Variants in TMTC2 observed in about 807,000 individuals in gnomAD.
The protein encoded by TMTC2 is transmembrane O-mannosyltransferase targeting cadherins 2.
Under a neutral mutation model 82.4 loss-of-function variants are expected in TMTC2, and 43 were observed. The observed-to-expected ratio is 0.52, with a 90% confidence interval of 0.41 to 0.67. The LOEUF is 0.67. Among genes scored for constraint, TMTC2 ranks in the 30% least tolerant of loss-of-function variants. TMTC2 has a pLI of 0.00. For synonymous variants in TMTC2, 408 were observed against 381.9 expected, an observed-to-expected ratio of 1.07 and a Z score of -0.80; for missense variants, 919 against 1,012.4, an observed-to-expected ratio of 0.91 and a Z score of 1.25.
At chr12:82,909,076 A>G (rs1815716893) in intron 3 of TMTC2, among the ~76,000 whole-genome samples, 1 of 152,170 alleles carries the variant, frequency 6.6e-6, no homozygotes, top group African/African-American at 2.4e-5. Flanking sequence ...ATTTTTGCCT[A>G]TTTTCTGTTT....
At chr12:83,006,091 A>G (rs1247848585) in intron 8 of TMTC2, among the ~76,000 whole-genome samples, 1 of 152,192 alleles carries the variant, frequency 6.6e-6, no homozygotes, top group Non-Finnish European at 1.5e-5. Flanking sequence ...TTGTGCAGCC[A>G]GGATCCCAGA....
chr12:83,025,670 A>G (rs1346956462), intron 8 of TMTC2, among the ~76,000 whole-genome samples: 2 of 152,246 alleles, frequency 1.3e-5, no homozygotes, highest in African/African-American at 4.8e-5. Flanking sequence ...TTAGGTGCCA[A>G]TCCAAGTTGT....
At chr12:83,088,335 G>A (rs1005457676) in intron 11 of TMTC2, among the ~76,000 whole-genome samples, 2 of 152,134 alleles carry the variant, frequency 1.3e-5, no homozygotes, top group African/African-American at 4.8e-5. Context: ...CAATAAGGCT[G>A]TTTCACTTCC....
At chr12:82,935,901 TAA>T (rs936454767) in intron 4 of TMTC2, among the ~76,000 whole-genome samples, 4 of 151,978 alleles carry the variant, frequency 2.6e-5, no homozygotes, top group Non-Finnish European at 4.4e-5. Flanking sequence ...ACTAAAAATT[TAA>T]GAGTAGAGAA....
chr12:82,820,902 A>G (rs1869061394), intron 1 of TMTC2, among the ~76,000 whole-genome samples: 1 of 151,918 alleles, frequency 6.6e-6, no homozygotes, highest in African/African-American at 2.4e-5. Context: ...TTTACAGGCA[A>G]GGTCTCACTC....
chr12:82,780,525 T>C (rs950596065), intron 1 of TMTC2, among the ~76,000 whole-genome samples: 6 of 152,072 alleles, frequency 3.9e-5, no homozygotes, highest in Non-Finnish European at 7.4e-5. Flanking sequence ...GATGTGAATA[T>C]ATTAAAAGCG....
At chr12:82,826,699 T>C (rs919455770) in intron 1 of TMTC2, among the ~76,000 whole-genome samples, 1 of 152,186 alleles carries the variant, frequency 6.6e-6, no homozygotes, top group African/African-American at 2.4e-5. Flanking sequence ...CCCCTCTTGT[T>C]GAATGTATGT....
At chr12:82,770,533 C>T (rs1359776101) in intron 1 of TMTC2, among the ~76,000 whole-genome samples, 1 of 151,942 alleles carries the variant, frequency 6.6e-6, no homozygotes, top group African/African-American at 2.4e-5. Context: ...ACTGACCTTA[C>T]CCTGAGTCAT....
At chr12:82,934,675 G>T (rs1045716604) in intron 4 of TMTC2, among the ~76,000 whole-genome samples, 1 of 152,254 alleles carries the variant, frequency 6.6e-6, no homozygotes, top group Admixed American at 6.5e-5. Context: ...TGTGAACACT[G>T]CTGCAATAAA....
chr12:83,019,782 T>C (rs7962456), intron 8 of TMTC2, among the ~76,000 whole-genome samples: 91,387 of 151,750 alleles, frequency 0.6, 29,098 homozygotes, highest in East Asian at 0.84. Context: ...TCGTTGCCAC[T>C]TCTCTACGTG....
chr12:83,080,229 T>C (rs1883416112), intron 11 of TMTC2, among the ~76,000 whole-genome samples: 1 of 152,202 alleles, frequency 6.6e-6, no homozygotes, highest in Admixed American at 6.5e-5. Context: ...TTGTATAAAC[T>C]GTATCTCCAT....
chr12:82,971,533 T>C (rs1271934355), intron 7 of TMTC2, among the ~76,000 whole-genome samples: 2 of 152,104 alleles, frequency 1.3e-5, no homozygotes, highest in Non-Finnish European at 2.9e-5. Flanking sequence ...TATAGGAAAC[T>C]AAATTAGGCT....
chr12:82,706,200 T>TA (rs1873342455), intron 1 of TMTC2, among the ~76,000 whole-genome samples: 1 of 151,070 alleles, frequency 6.6e-6, no homozygotes. Context: ...TCCTAGCCAC[T>TA]AGGGAGGCTG....
chr12:82,830,013 T>C (rs1869662582), intron 1 of TMTC2, among the ~76,000 whole-genome samples: 1 of 152,158 alleles, frequency 6.6e-6, no homozygotes, highest in Non-Finnish European at 1.5e-5. Context: ...TCCTGAACTA[T>C]GTAGAGAATA....
intron 9 of TMTC2, among the ~76,000 whole-genome samples, chr12:83,042,429 C>T (rs1056175643): frequency 2.6e-5 from 4 of 152,194 alleles, no homozygotes; most frequent in African/African-American, 7.2e-5. Flanking sequence ...CCTTCTCTTC[C>T]TCTTTAAGTG....
rs906636759 is a variant in TMTC2 at position 83,133,279 on chromosome 12, C to T, written c.*890C>T. 6.6e-6 allele frequency: 1 copy of T among 152,096 alleles called. No individual in the cohort carries two copies. Among genetic ancestry groups the T allele is most frequent in the Non-Finnish European group, 1.5e-5 (1 of 68,036 alleles). 9.4% of individuals were successfully genotyped at this position (152,096 alleles called of 1,614,324 possible). A position where few individuals can be genotyped will look rare whatever the true frequency, so the allele number is the denominator to read the frequency against. On this transcript the variant is annotated 3_prime_UTR_variant, in exon 12 of 12. Transcript: ENST00000321196. ...AAGGACAGGGGAGGAGTTTGTAAGC[C>T]TTGCAGTTCCAATAACTAACCAACA... is the stretch of plus-strand genomic sequence containing the variant.
chr12:82,996,868 G>C (rs191181674), intron 8 of TMTC2, among the ~76,000 whole-genome samples: 47 of 152,192 alleles, frequency 3.1e-4, no homozygotes, highest in Non-Finnish European at 4.9e-4. Context: ...TAGACTTTCT[G>C]TCTGCTTGAA....
chr12:83,036,352 A>G (rs532027501), intron 9 of TMTC2, among the ~76,000 whole-genome samples: 17 of 152,214 alleles, frequency 1.1e-4, no homozygotes, highest in Middle Eastern at 3.4e-3. Flanking sequence ...ATAGAAAAGT[A>G]TAGATTTTTT....
At chr12:83,007,461 G>A (rs1880256102) in intron 8 of TMTC2, among the ~76,000 whole-genome samples, 1 of 151,846 alleles carries the variant, frequency 6.6e-6, no homozygotes, top group Non-Finnish European at 1.5e-5. Context: ...TTTTCATGGT[G>A]GTTGCCCTGG....
Sources: allele counts gnomAD v4.1 joint callset (sites outside exome capture counted in the v4.1 genomes callset), GRCh38; gene constraint gnomAD v4.1.1; transcripts MANE v1.5; gene names NCBI Gene and HGNC (gene_info 2026-07-23, HGNC 2026-07-21).